DUSP26: variants seen among roughly 807,000 people sequenced by gnomAD.
The protein encoded by DUSP26 is dual specificity phosphatase 26.
In DUSP26, 12 loss-of-function variants were observed where a neutral mutation model predicts 20.0. The ratio of observed to expected loss-of-function variants is 0.60; its 90% confidence interval spans 0.38 to 0.97. The LOEUF (loss-of-function observed/expected upper bound fraction) is 0.97, where lower values mean the gene tolerates loss of function less well. Ranked by LOEUF, DUSP26 falls within the 50% of genes least tolerant of loss-of-function variation. The pLI, the probability that DUSP26 is intolerant of heterozygous loss-of-function variation, is 0.00. For synonymous variants in DUSP26, 120 were observed against 118.8 expected (o/e 1.01, Z -0.06); for missense variants, 230 against 294.0 (o/e 0.78, Z 1.59).
At chr8:33,596,556 TGGG>T (rs1811151166) in intron 2 of DUSP26, among the ~76,000 whole-genome samples, 1 of 152,196 alleles carries the variant, frequency 6.6e-6, no homozygotes, top group Admixed American at 6.5e-5. Flanking sequence ...CACTCCAGCC[TGGG>T]TGACAGAGTG....
chr8:33,596,589 AT>A (rs1250055521), intron 2 of DUSP26, among the ~76,000 whole-genome samples: 3 of 152,242 alleles, frequency 2.0e-5, no homozygotes, highest in Non-Finnish European at 2.9e-5. Context: ...CCAAAAAAAA[AT>A]AAAAGAAAGA....
In DUSP26 at chr8:33,597,354, T is replaced by C. The variant is rs373159172; in HGVS notation, c.162A>G (p.Thr54=). The change falls in exon 2 of 4, where the codon ACA becomes ACG. Residue 54 remains threonine, a synonymous_variant. Coordinates refer to ENST00000256261, the MANE Select transcript of DUSP26 (RefSeq NM_024025.3). ...NVFELERLLY[T]GKTACNHADE... is the part of the protein sequence containing the mutation. ...CGGCATGGTTACAGGCTGTCTTGCCTGTGTAGAGGAGCCGCTCCAACTCGA... is the reference window on the plus strand; with the variant it reads ...CGGCATGGTTACAGGCTGTCTTGCCCGTGTAGAGGAGCCGCTCCAACTCGA... 93 of 1,613,894 alleles carry C rather than the reference T, an allele frequency of 5.8e-5. No individual in the cohort carries two copies. Among genetic ancestry groups the C allele is most frequent in the Middle Eastern group, 1.7e-4 (1 of 6,008 alleles).
rs1585377458 is a variant in DUSP26 at position 33,593,849 on chromosome 8, T to G, written c.222-102A>C. 1.7e-5 allele frequency: 23 copies of G among 1,340,138 alleles called. No individual in the cohort carries two copies. In the East Asian group the frequency reaches 5.2e-4, roughly 30 times the overall value. The allele number at this position is 1,340,138 out of a possible 1,614,324, so 83.0% of individuals were successfully genotyped here. ...ACTTCCTGAATCCTATTGTTGATTT[T>G]TTTTTGAGATGGAGTCTCGCTCTGT... On this transcript the variant is annotated intron_variant, in intron 2 of 3. Coordinates refer to ENST00000256261, the MANE Select transcript of DUSP26 (RefSeq NM_024025.3).
intron 1 of DUSP26, among the ~76,000 whole-genome samples, chr8:33,598,357 G>C (rs1811198533): frequency 6.6e-6 from 1 of 152,052 alleles, no homozygotes; most frequent in South Asian, 2.1e-4. Context: ...GCTCTAATGT[G>C]AGAATTTCTG....
intron 3 of DUSP26, 100 bp downstream of exon 3, chr8:33,593,433 T>C: frequency 2.5e-5 from 33 of 1,338,340 alleles, no homozygotes; most frequent in Non-Finnish European, 3.3e-5. Context: ...ATCCTGAGCA[T>C]TTTGTCATGT....
chr8:33,597,266 A>G, intron 2 of DUSP26, 29 bp downstream of exon 2: 1 of 1,579,358 alleles, frequency 6.3e-7, no homozygotes, highest in Non-Finnish European at 8.6e-7. Context: ...CACACGCTCT[A>G]CCGTGGGCCC....
rs377371557 is a variant in DUSP26, at chr8:33,597,469, C to G, written c.47G>C (p.Arg16Pro). ...WLWASMTFMA[R>P]FSRSSSRSPV... is the part of the protein sequence containing the mutation. ...AGACCTTGAGCTACTCCGGGAGAAG[C>G]GGGCCATAAAAGTCATAGAAGCCCA... Residue 16 changes from arginine to proline, a missense_variant, in exon 2 of 4, where the codon CGC (arginine) becomes CCC (proline). By Grantham distance (103) the Arg-to-Pro change is moderately radical. Transcript: ENST00000256261. The G allele has an allele frequency of 1.2e-6, 2 of 1,613,948 alleles. No individual in the cohort carries two copies. Among genetic ancestry groups the G allele is most frequent in the South Asian group, 2.2e-5 (2 of 91,052 alleles).
rs186077700 is a variant in DUSP26 at position 33,595,539 on chromosome 8, C to T, written c.221+1756G>A. On this transcript the variant is annotated intron_variant, in intron 2 of 3. Coordinates refer to ENST00000256261, the MANE Select transcript of DUSP26 (RefSeq NM_024025.3). ...GGGATTACAGGTGCCCACCACCATGCCAGGCTAATATTTGTATTTTTAGTA... is the reference window on the plus strand; with the variant it reads ...GGGATTACAGGTGCCCACCACCATGTCAGGCTAATATTTGTATTTTTAGTA... Among the ~76,000 whole-genome samples, 453 of 152,032 alleles carry T rather than the reference C, an allele frequency of 3.0e-3. 2 individuals are homozygous for T. Among genetic ancestry groups the T allele is most frequent in the African/African-American group, 0.01 (426 of 41,460 alleles).
Position 33,597,312 on chromosome 8 carries a change from G to A in DUSP26, c.204C>T (p.Gly68=). The A allele has an allele frequency of 6.2e-7, 1 of 1,612,698 alleles. No homozygotes were observed. Among genetic ancestry groups the A allele is most frequent in the Non-Finnish European group, 8.5e-7 (1 of 1,179,684 alleles). The change falls in exon 2 of 4, where the codon GGC becomes GGT. Residue 68 remains glycine (G), a synonymous_variant. Transcript: ENST00000256261. ...ATACATACTGGTCTCCGAGATAGAG[G>A]CCTGGCCAGACCTCGTCGGCATGGT... ...ACNHADEVWP[G]LYLGDQDMAN... is the part of the protein sequence containing the mutation.
Position 33,597,375 on chromosome 8 carries a change from C to G in DUSP26, c.141G>C (p.Glu47Asp). ...TVQHPFLNVF[E>D]LERLLYTGKT... ...TGCCTGTGTAGAGGAGCCGCTCCAA[C>G]TCGAAGACATTGAGGAAAGGATGTT... is the stretch of plus-strand genomic sequence containing the variant. The change falls in exon 2 of 4, where the codon GAG becomes GAC. Residue 47 changes from glutamate (E) to aspartate (D), a missense_variant. Glu to Asp is a conservative substitution (Grantham distance 45). Coordinates refer to ENST00000256261, the MANE Select transcript of DUSP26 (RefSeq NM_024025.3). 6.2e-7 allele frequency: 1 copy of G among 1,614,158 alleles called. No individual in the cohort carries two copies. The highest frequency in any genetic ancestry group is 8.5e-7 in the Non-Finnish European group (1 of 1,180,040).
At chr8:33,594,045 C>T (rs1370890217) in intron 2 of DUSP26, among the ~76,000 whole-genome samples, 1 of 151,882 alleles carries the variant, frequency 6.6e-6, no homozygotes, top group African/African-American at 2.4e-5. Flanking sequence ...GTCTTGAACT[C>T]CTGACCTCAA....
At chr8:33,593,873 G>C in intron 2 of DUSP26, 126 bp from the exon 3 acceptor site, 1 of 1,119,322 alleles carries the variant, frequency 8.9e-7, no homozygotes, top group Non-Finnish European at 1.3e-6. Flanking sequence ...GTCTCGCTCT[G>C]TTTCCTAGGC....
intron 1 of DUSP26, among the ~76,000 whole-genome samples, chr8:33,598,809 G>A (rs1185687645): frequency 1.3e-5 from 2 of 152,096 alleles, no homozygotes; most frequent in Admixed American, 1.3e-4. Flanking sequence ...GAAAGCAGGA[G>A]GTCCTGGAGC....
Position 33,591,964 on chromosome 8 carries a change from G to C in DUSP26, c.*49C>G. 5 of 1,602,862 alleles carry C rather than the reference G, an allele frequency of 3.1e-6. No individual in the cohort carries two copies. Among genetic ancestry groups the C allele is most frequent in the Non-Finnish European group, 4.2e-6 (5 of 1,176,922 alleles). ...ACCTGGGCCTCCTATCTCCAGCTGG[G>C]AGCCAGGGACCTACCCACGGGCCTG... On this transcript the variant is annotated 3_prime_UTR_variant, in exon 4 of 4. Coordinates refer to ENST00000256261, the MANE Select transcript of DUSP26 (RefSeq NM_024025.3).
Position 33,592,006 on chromosome 8 carries a change from C to G in DUSP26, c.*7G>C, listed in dbSNP as rs777262383. 10 of 1,612,744 alleles carry G rather than the reference C, an allele frequency of 6.2e-6. No individual in the cohort carries two copies. The highest frequency in any genetic ancestry group is 1.7e-5 in the Admixed American group (1 of 59,972). ...ACGGGCCTGGCCTGACCTCTCTCCC[C>G]CTCCCCTCATGCTTCCAGACCCTGC... On this transcript the variant is annotated 3_prime_UTR_variant, in exon 4 of 4. Transcript: ENST00000256261.
chr8:33,592,135 G>A lies in DUSP26; in HGVS notation c.514C>T (p.His172Tyr), dbSNP rs1811035603. The change falls in exon 4 of 4, where the codon CAC becomes TAC. Residue 172 changes from histidine to tyrosine, a missense_variant. His to Tyr is a moderately conservative substitution (Grantham distance 83). Coordinates refer to ENST00000256261, the MANE Select transcript of DUSP26 (RefSeq NM_024025.3). The stretch of plus-strand genomic sequence containing the variant: ...TTGATGGCCTCCACGAGGGTAAGGT[G>A]GTGGTACAGCATGAGGTAGGCCAGT... Reference protein sequence around the residue: ...LVLAYLMLYHHLTLVEAIKKV... With the variant: ...LVLAYLMLYHYLTLVEAIKKV... The A allele has an allele frequency of 6.2e-7, 1 of 1,614,116 alleles. No homozygotes were observed. The highest frequency in any genetic ancestry group is 8.5e-7 in the Non-Finnish European group (1 of 1,180,024).
At chr8:33,596,037 A>C (rs1340821135) in intron 2 of DUSP26, among the ~76,000 whole-genome samples, 1 of 152,124 alleles carries the variant, frequency 6.6e-6, no homozygotes, top group African/African-American at 2.4e-5. Flanking sequence ...TAATCCCAGC[A>C]CTTTGGGAGG....
intron 1 of DUSP26, among the ~76,000 whole-genome samples, chr8:33,598,013 G>A (rs1811191474): frequency 6.6e-6 from 1 of 152,086 alleles, no homozygotes; most frequent in Admixed American, 6.6e-5. Context: ...CTGGGATGGG[G>A]TTGGGGGTAC....
chr8:33,597,580 A>C lies in DUSP26; in HGVS notation c.-65T>G. On this transcript the variant is annotated 5_prime_UTR_variant, in exon 2 of 4. Transcript: ENST00000256261. ...TGTGGTGATGATGGGTTCAGTTGCC[A>C]GGTAGCTGCTGCTGGAAGAGGAAGG... 7.0e-7 allele frequency: 1 copy of C among 1,426,708 alleles called. No individual in the cohort carries two copies. Among genetic ancestry groups the C allele is most frequent in the South Asian group, 1.3e-5 (1 of 76,754 alleles). 88.4% of individuals were successfully genotyped at this position (1,426,708 alleles called of 1,614,324 possible). A position where few individuals can be genotyped will look rare whatever the true frequency, so the allele number is the denominator to read the frequency against.
Sources: allele counts gnomAD v4.1 joint callset (sites outside exome capture counted in the v4.1 genomes callset), GRCh38; gene constraint gnomAD v4.1.1; transcripts MANE v1.5; gene names NCBI Gene and HGNC (gene_info 2026-07-23, HGNC 2026-07-21).